Variants in ABL1 observed in about 807,000 individuals in gnomAD.
ABL1 encodes the protein ABL proto-oncogene 1, non-receptor tyrosine kinase.
Under a neutral mutation model 94.7 loss-of-function variants are expected in ABL1, and 11 were observed. The ratio of observed to expected loss-of-function variants is 0.12; its 90% confidence interval spans 0.07 to 0.19. ABL1 has a LOEUF of 0.19. ABL1 is among the 10% of genes least tolerant of loss of function. The pLI is 1.00. For synonymous variants in ABL1, 656 were observed against 622.4 expected (o/e 1.05, Z -0.80); for missense variants, 1,082 against 1,489.4 (o/e 0.73, Z 4.50).
intron 10 of ABL1, among the ~76,000 whole-genome samples, chr9:130,881,045 A>G (rs1338947429): frequency 6.6e-6 from 1 of 152,226 alleles, no homozygotes; most frequent in Non-Finnish European, 1.5e-5. Flanking sequence ...GAAGGCACTG[A>G]TGTGAGAAGC....
intron 1 of ABL1, among the ~76,000 whole-genome samples, chr9:130,818,441 G>A (rs1483610466): frequency 2.0e-5 from 3 of 152,118 alleles, no homozygotes; most frequent in Non-Finnish European, 4.4e-5. Flanking sequence ...CTGCACTCCA[G>A]CCTGGGCAAC....
intron 1 of ABL1, among the ~76,000 whole-genome samples, chr9:130,784,269 G>A (rs1488384409): frequency 6.6e-6 from 1 of 152,076 alleles, no homozygotes; most frequent in East Asian, 1.9e-4. Context: ...ACAAATTTCT[G>A]TGTTTTTTTG....
intron 4 of ABL1, among the ~76,000 whole-genome samples, chr9:130,867,450 T>A (rs1488869877): frequency 6.6e-6 from 1 of 152,266 alleles, no homozygotes; most frequent in African/African-American, 2.4e-5. Flanking sequence ...TTTGCATGTA[T>A]GTGAAACTAT....
At chr9:130,734,461 C>T (rs1200401548) in intron 1 of ABL1, among the ~76,000 whole-genome samples, 2 of 151,088 alleles carry the variant, frequency 1.3e-5, no homozygotes, top group African/African-American at 2.4e-5. Flanking sequence ...GTGATCCGCC[C>T]GCCTTGGCTT....
At chr9:130,804,100 T>C (rs1450205237) in intron 1 of ABL1, among the ~76,000 whole-genome samples, 1 of 151,510 alleles carries the variant, frequency 6.6e-6, no homozygotes, top group Non-Finnish European at 1.5e-5. Context: ...CTCACGCCTG[T>C]AATCTCAGCA....
chr9:130,771,403 GGT>G (rs535908420), intron 1 of ABL1, among the ~76,000 whole-genome samples: 111 of 152,066 alleles, frequency 7.3e-4, no homozygotes, highest in African/African-American at 2.4e-3. Context: ...AGGGAAGTAG[GGT>G]CCTGTCATTT....
intron 1 of ABL1, among the ~76,000 whole-genome samples, chr9:130,836,983 G>A (rs921369573): frequency 1.3e-5 from 2 of 152,132 alleles, no homozygotes; most frequent in Non-Finnish European, 2.9e-5. Context: ...CTTAACCTCT[G>A]ACTCTACCCT....
At chr9:130,875,446 CTT>C (rs34709473) in intron 7 of ABL1, among the ~76,000 whole-genome samples, 1,921 of 145,070 alleles carry the variant, frequency 0.013, 48 homozygotes, top group African/African-American at 0.045. Context: ...CACAGCCACC[CTT>C]TTTTTTTTTT....
chr9:130,715,244 C>T (rs530970498), intron 1 of ABL1, among the ~76,000 whole-genome samples: 1 of 152,190 alleles, frequency 6.6e-6, no homozygotes, highest in Non-Finnish European at 1.5e-5. Context: ...GGTCGGCTTA[C>T]ACTGATGTCT....
At chr9:130,805,492 A>G (rs1830113992) in intron 1 of ABL1, among the ~76,000 whole-genome samples, 1 of 152,200 alleles carries the variant, frequency 6.6e-6, no homozygotes, top group South Asian at 2.1e-4. Context: ...TGTACTAGAT[A>G]TTTCTTCGGT....
chr9:130,735,961 A>ATATATATTTTTTTTTTTT (rs573602038), intron 1 of ABL1, among the ~76,000 whole-genome samples: 3 of 94,850 alleles, frequency 3.2e-5, no homozygotes, highest in African/African-American at 1.3e-4. Flanking sequence ...ATATATATAT[A>ATATATATTTTTTTTTTTT]TTTTTTTTTT....
upstream of ABL1, among the ~76,000 whole-genome samples, chr9:130,831,722 C>T (rs1830496953): frequency 6.6e-6 from 1 of 152,092 alleles, no homozygotes; most frequent in South Asian, 2.1e-4. Flanking sequence ...GATTCTCCTG[C>T]CTCAGCCTCT....
chr9:130,747,755 C>T (rs1831905626), intron 1 of ABL1, among the ~76,000 whole-genome samples: 2 of 152,092 alleles, frequency 1.3e-5, no homozygotes, highest in Admixed American at 6.6e-5. Context: ...ACATTTATGC[C>T]CACTAGGATG....
At chr9:130,770,536 T>A (rs1388609056) in intron 1 of ABL1, among the ~76,000 whole-genome samples, 1 of 152,164 alleles carries the variant, frequency 6.6e-6, no homozygotes, top group African/African-American at 2.4e-5. Context: ...GACAATACAG[T>A]CTTCTTCAGA....
intron 4 of ABL1, among the ~76,000 whole-genome samples, chr9:130,864,565 A>G (rs1831125657): frequency 6.6e-6 from 1 of 152,156 alleles, no homozygotes. Flanking sequence ...TCTTAATTGA[A>G]TAAATATTTA....
At chr9:130,816,059 G>T (rs1830282210) in intron 1 of ABL1, among the ~76,000 whole-genome samples, 1 of 152,012 alleles carries the variant, frequency 6.6e-6, no homozygotes, top group African/African-American at 2.4e-5. Flanking sequence ...CCAGAGCCCT[G>T]GCAGTCACCT....
chr9:130,825,366 A>T (rs1312441615), intron 1 of ABL1, among the ~76,000 whole-genome samples: 1 of 151,964 alleles, frequency 6.6e-6, no homozygotes, highest in Admixed American at 6.6e-5. Context: ...CTGCTTTTGC[A>T]GATTCTTTTA....
chr9:130,854,006 T>G, intron 1 of ABL1, 58 bp from the exon 2 acceptor site: 1 of 1,536,516 alleles, frequency 6.5e-7, no homozygotes, highest in Non-Finnish European at 8.7e-7. Context: ...TAAAACTAAT[T>G]TTTTCTCCCA....
chr9:130,872,887 A>G lies in ABL1; in HGVS notation c.935A>G (p.Tyr312Cys), dbSNP rs1248519602. 6.2e-7 allele frequency: 1 copy of G among 1,613,852 alleles called. No homozygotes were observed. Among genetic ancestry groups the G allele is most frequent in the Admixed American group, 1.7e-5 (1 of 60,004 alleles). Residue 312 changes from tyrosine to cysteine, a missense_variant, in exon 6 of 11, where the codon TAT becomes TGT. Coordinates refer to ENST00000318560, the MANE Select transcript of ABL1 (RefSeq NM_005157.6). The surrounding 1 kb of genome is among the most constrained non-coding windows in gnomAD (Gnocchi z 5.0). ...LGVCTREPPFYIITEFMTYGN... is the reference protein window; with the variant it reads ...LGVCTREPPFCIITEFMTYGN... ...GTCTGCACCCGGGAGCCCCCGTTCT[A>G]TATCATCACTGAGTTCATGACCTAC...
Sources: allele counts gnomAD v4.1 joint callset (sites outside exome capture counted in the v4.1 genomes callset), GRCh38; gene constraint gnomAD v4.1.1; non-coding constraint Gnocchi (gnomAD v3.1); transcripts MANE v1.5; gene names NCBI Gene and HGNC (gene_info 2026-07-23, HGNC 2026-07-21).